DAB1: variants seen among roughly 807,000 people sequenced by gnomAD.
DAB1 encodes DAB adaptor protein 1.
In DAB1, 15 loss-of-function variants were observed where a neutral mutation model predicts 64.6. The observed-to-expected ratio is 0.23, with a 90% CI of 0.16 to 0.36. The LOEUF is 0.36. Ranked by LOEUF, DAB1 falls within the 10% of genes least tolerant of loss-of-function variation. The probability of loss-of-function intolerance (pLI) is 1.00; values close to 1 mark genes in which losing one functional copy is unlikely to be tolerated. For missense variants in DAB1, 596 were observed against 706.7 expected (o/e 0.84, Z 1.78); for synonymous variants, 235 against 251.9 (o/e 0.93, Z 0.64).
intron 1 of DAB1, among the ~76,000 whole-genome samples, chr1:57,309,972 T>G (rs960664818): frequency 2.0e-5 from 3 of 152,188 alleles, no homozygotes; most frequent in African/African-American, 7.2e-5. Flanking sequence ...GCAAGAGGCA[T>G]TCATGCACAG....
intron 3 of DAB1, among the ~76,000 whole-genome samples, chr1:58,360,868 T>C (rs1021645784): frequency 6.6e-6 from 1 of 152,206 alleles, no homozygotes; most frequent in Non-Finnish European, 1.5e-5. Flanking sequence ...TTAAATAACT[T>C]TGAAATTGTT....
chr1:57,872,557 T>C (rs1643971160), intron 1 of DAB1, among the ~76,000 whole-genome samples: 1 of 152,186 alleles, frequency 6.6e-6, no homozygotes, highest in Non-Finnish European at 1.5e-5. Context: ...TACCCACTGG[T>C]CACTGTGCTT....
chr1:57,321,415 A>G (rs1352634798), intron 1 of DAB1, among the ~76,000 whole-genome samples: 3 of 152,098 alleles, frequency 2.0e-5, no homozygotes, highest in Non-Finnish European at 2.9e-5. Context: ...TTACCAACCC[A>G]GTGGCATCAA....
At chr1:57,148,169 G>T (rs1659329258) in intron 2 of DAB1, among the ~76,000 whole-genome samples, 1 of 152,172 alleles carries the variant, frequency 6.6e-6, no homozygotes, top group Non-Finnish European at 1.5e-5. Flanking sequence ...AACTGTCTAT[G>T]AGTCAGATAC....
At chr1:58,147,238 C>T (rs1447595764) in intron 5 of DAB1, among the ~76,000 whole-genome samples, 17 of 142,074 alleles carry the variant, frequency 1.2e-4, no homozygotes, top group Non-Finnish European at 1.8e-4. Context: ...GCCTGGGAGG[C>T]GGAGGTTGCA....
At chr1:58,121,226 G>A (rs1300498323) in intron 5 of DAB1, among the ~76,000 whole-genome samples, 3 of 152,114 alleles carry the variant, frequency 2.0e-5, no homozygotes, top group African/African-American at 4.8e-5. Context: ...AGCTGCCAGA[G>A]TAACCTTCCA....
intron 1 of DAB1, chr1:58,539,434 G>A: frequency 1.6e-6 from 1 of 609,174 alleles, no homozygotes; most frequent in Non-Finnish European, 2.8e-6. Context: ...AATTACCTTG[G>A]GTTTCAACTC....
intron 14 of DAB1, among the ~76,000 whole-genome samples, chr1:57,008,770 C>T (rs74074396): frequency 3.9e-5 from 6 of 152,118 alleles, no homozygotes; most frequent in African/African-American, 1.2e-4. Flanking sequence ...TAAACTATCT[C>T]AGTTACCATT....
At chr1:57,323,899 T>C (rs1675934919) in intron 1 of DAB1, among the ~76,000 whole-genome samples, 1 of 151,702 alleles carries the variant, frequency 6.6e-6, no homozygotes, top group Admixed American at 6.6e-5. Flanking sequence ...GTATAGGCAA[T>C]GTGAGGATGA....
intron 4 of DAB1, among the ~76,000 whole-genome samples, chr1:58,223,348 C>A (rs1242938320): frequency 6.6e-6 from 1 of 152,122 alleles, no homozygotes; most frequent in Non-Finnish European, 1.5e-5. Context: ...TCAGCCAGGA[C>A]CAAAGGTATA....
At chr1:57,629,125 CA>C (rs1222855406) in intron 7 of DAB1, among the ~76,000 whole-genome samples, 6 of 152,146 alleles carry the variant, frequency 3.9e-5, no homozygotes, top group Non-Finnish European at 8.8e-5. Context: ...ATTAAATCTT[CA>C]GAAACTCATA....
intron 7 of DAB1, among the ~76,000 whole-genome samples, chr1:57,521,736 T>C (rs547996103): frequency 1.8e-4 from 28 of 152,184 alleles, no homozygotes; most frequent in African/African-American, 6.3e-4. Flanking sequence ...CATTATCAAA[T>C]ATTTGGAAGA....
chr1:58,171,143 A>G (rs1006343300), intron 4 of DAB1, among the ~76,000 whole-genome samples: 9 of 152,188 alleles, frequency 5.9e-5, no homozygotes, highest in African/African-American at 1.9e-4. Flanking sequence ...AGCTGGAGCT[A>G]TTATCTACAT....
chr1:57,379,770 T>C (rs952668859), intron 1 of DAB1, among the ~76,000 whole-genome samples: 6 of 152,194 alleles, frequency 3.9e-5, no homozygotes, highest in Non-Finnish European at 8.8e-5. Context: ...CTATAGACTA[T>C]GATTTACCTC....
At chr1:57,838,285 T>C (rs1212739136) in intron 1 of DAB1, among the ~76,000 whole-genome samples, 2 of 152,208 alleles carry the variant, frequency 1.3e-5, no homozygotes. Flanking sequence ...GTCATAAATA[T>C]AATCCCAATA....
At chr1:57,321,154 C>T (rs936227409) in intron 1 of DAB1, among the ~76,000 whole-genome samples, 2 of 152,078 alleles carry the variant, frequency 1.3e-5, no homozygotes, top group East Asian at 1.9e-4. Flanking sequence ...CTTTGGCCAC[C>T]GTATTATACT....
intron 4 of DAB1, among the ~76,000 whole-genome samples, chr1:58,225,425 C>A (rs1161569774): frequency 6.6e-6 from 1 of 151,746 alleles, no homozygotes; most frequent in Non-Finnish European, 1.5e-5. Flanking sequence ...GGATCTAGAA[C>A]TAGAAATACC....
At chr1:58,487,834 C>T (rs1333899992) in intron 3 of DAB1, among the ~76,000 whole-genome samples, 1 of 151,028 alleles carries the variant, frequency 6.6e-6, no homozygotes, top group Non-Finnish European at 1.5e-5. Context: ...TTGACCTGAG[C>T]TATTAATTAA....
intron 3 of DAB1, among the ~76,000 whole-genome samples, chr1:58,484,145 C>T (rs1645536048): frequency 6.6e-6 from 1 of 152,206 alleles, no homozygotes; most frequent in African/African-American, 2.4e-5. Context: ...GTGCTAGGTA[C>T]ACATTGGTCA....
Sources: allele counts gnomAD v4.1 joint callset (sites outside exome capture counted in the v4.1 genomes callset), GRCh38; gene constraint gnomAD v4.1.1; transcripts MANE v1.5; gene names NCBI Gene and HGNC (gene_info 2026-07-23, HGNC 2026-07-21).